ANXA8: variants seen among roughly 807,000 people sequenced by gnomAD.
The protein encoded by ANXA8 is VAC-beta.
In ANXA8, 9 loss-of-function variants were observed where a neutral mutation model predicts 26.8. The ratio of observed to expected loss-of-function variants is 0.34; its 90% CI spans 0.20 to 0.59. The LOEUF is 0.59. ANXA8 is among the 20% of genes least tolerant of loss of function. The pLI is 0.84. For synonymous variants in ANXA8, 39 were observed against 94.8 expected (o/e 0.41, Z 3.42); for missense variants, 83 against 238.5 (o/e 0.35, Z 4.29).
chr10:47,942,884 C>T, the ANXA8 span, among the ~76,000 whole-genome samples: 1 of 143,642 alleles, frequency 7.0e-6, no homozygotes. Context: ...CCCTGGGCCA[C>T]AGCTTCCTTC....
chr10:47,700,314 A>G, the ANXA8 span, among the ~76,000 whole-genome samples: 1 of 151,940 alleles, frequency 6.6e-6, no homozygotes, highest in Admixed American at 6.6e-5. Context: ...CAAGTAGACC[A>G]GTGGAATAGA....
At chr10:47,901,181 C>A in the ANXA8 span, among the ~76,000 whole-genome samples, 25,009 of 108,160 alleles carry the variant, frequency 0.23, 15 homozygotes, top group Non-Finnish European at 0.25. Context: ...GGATCTTTTG[C>A]TGCAAGTCAT....
At chr10:47,769,774 C>T in the ANXA8 span, among the ~76,000 whole-genome samples, 1 of 152,312 alleles carries the variant, frequency 6.6e-6, no homozygotes, top group African/African-American at 2.4e-5. Flanking sequence ...GTTCTCTCTT[C>T]CCTGTACCGG....
the ANXA8 span, among the ~76,000 whole-genome samples, chr10:47,949,146 G>A: frequency 1.9e-4 from 6 of 31,572 alleles, no homozygotes; most frequent in Admixed American, 6.8e-4. Context: ...ACACACACAC[G>A]TTATGCATAT....
At chr10:47,651,429 T>G in the ANXA8 span, among the ~76,000 whole-genome samples, 2 of 151,458 alleles carry the variant, frequency 1.3e-5, no homozygotes, top group South Asian at 4.2e-4. Context: ...CCTCAAAAAG[T>G]TAAACATACA....
At chr10:47,584,960 C>T in the ANXA8 span, among the ~76,000 whole-genome samples, 7 of 147,194 alleles carry the variant, frequency 4.8e-5, no homozygotes, top group South Asian at 2.1e-4. Context: ...TGGTGGCAGG[C>T]GCCTGTAATC....
intron 1 of ANXA8, among the ~76,000 whole-genome samples, chr10:47,483,163 G>C (rs1377456242): frequency 6.6e-6 from 1 of 151,468 alleles, no homozygotes; most frequent in African/African-American, 2.4e-5. Context: ...CTGGGGATGG[G>C]CTGCCCTGAG....
At chr10:47,675,856 A>G in the ANXA8 span, among the ~76,000 whole-genome samples, 5 of 151,836 alleles carry the variant, frequency 3.3e-5, no homozygotes, top group African/African-American at 2.4e-5. Context: ...TGATTGAATG[A>G]TAAAGGTTAA....
the ANXA8 span, among the ~76,000 whole-genome samples, chr10:47,968,524 C>CCA: frequency 7.1e-6 from 1 of 140,092 alleles, no homozygotes; most frequent in African/African-American, 2.5e-5. Flanking sequence ...ACCAAAGCCA[C>CCA]CAAGACCACT....
chr10:47,469,391 C>T (rs1839239735), intron 11 of ANXA8, among the ~76,000 whole-genome samples: 1 of 151,786 alleles, frequency 6.6e-6, no homozygotes, highest in African/African-American at 2.4e-5. Context: ...AGCCCCTTCA[C>T]CTCTGTGGGA....
chr10:47,941,605 G>A, the ANXA8 span, among the ~76,000 whole-genome samples: 10 of 146,642 alleles, frequency 6.8e-5, no homozygotes, highest in African/African-American at 1.3e-4. Flanking sequence ...ATTGCTTCAC[G>A]GCACTCCAGC....
chr10:47,656,414 A>C, the ANXA8 span, among the ~76,000 whole-genome samples: 72 of 147,014 alleles, frequency 4.9e-4, 4 homozygotes, highest in African/African-American at 1.6e-3. Flanking sequence ...CCCAAAAAAA[A>C]CAAAAAACAA....
chr10:47,685,587 G>A, the ANXA8 span, among the ~76,000 whole-genome samples: 1 of 151,894 alleles, frequency 6.6e-6, no homozygotes, highest in African/African-American at 2.4e-5. Flanking sequence ...TAGGTCTGAA[G>A]TTTGGGAGAG....
the ANXA8 span, among the ~76,000 whole-genome samples, chr10:47,976,544 T>TACACAC: frequency 0.043 from 5,618 of 129,868 alleles, 128 homozygotes; most frequent in Admixed American, 0.1. Flanking sequence ...CCTCTGTCTT[T>TACACAC]ACACACACAC....
the ANXA8 span, among the ~76,000 whole-genome samples, chr10:47,587,354 G>A: frequency 2.0e-5 from 3 of 148,534 alleles, no homozygotes; most frequent in South Asian, 2.1e-4. Flanking sequence ...TCATACATTT[G>A]GGGGTATCGT....
chr10:47,681,256 T>G, the ANXA8 span, among the ~76,000 whole-genome samples: 2 of 151,722 alleles, frequency 1.3e-5, no homozygotes, highest in African/African-American at 4.8e-5. Context: ...AAGATATCAG[T>G]GATGATGCCA....
At chr10:47,944,105 T>C in the ANXA8 span, among the ~76,000 whole-genome samples, 1 of 146,598 alleles carries the variant, frequency 6.8e-6, no homozygotes, top group East Asian at 2.1e-4. Flanking sequence ...CTTACAGTTC[T>C]GGAGGCTGGG....
chr10:47,580,553 T>C, the ANXA8 span, among the ~76,000 whole-genome samples: 1 of 150,512 alleles, frequency 6.6e-6, no homozygotes, highest in East Asian at 1.9e-4. Context: ...CTGGGCAACA[T>C]GGTAAAACCC....
upstream of ANXA8, among the ~76,000 whole-genome samples, chr10:47,485,847 G>T (rs1243579105): frequency 6.6e-6 from 1 of 151,886 alleles, no homozygotes; most frequent in Non-Finnish European, 1.5e-5. Context: ...GGTGGCTCAC[G>T]CCTGTAATCC....
Sources: gnomAD v4.1 joint callset for allele counts (sites outside exome capture counted in the v4.1 genomes callset) on GRCh38, gnomAD v4.1.1 for gene constraint, MANE v1.5 for transcripts, NCBI Gene and HGNC (gene_info 2026-07-23, HGNC 2026-07-21) for gene names.